The following SMOC1 variants were observed in gnomAD, a reference collection of about 807,000 sequenced individuals.
The protein encoded by SMOC1 is SPARC related modular calcium binding 1, also known as SPARC-related modular calcium-binding protein 1.
In SMOC1, 22 loss-of-function variants were observed where a neutral mutation model predicts 56.3. That is an observed-to-expected ratio of 0.39 (90% confidence interval 0.28 to 0.56). SMOC1 has a LOEUF of 0.56. SMOC1 is among the 20% of genes least tolerant of loss of function. The pLI, the probability that SMOC1 is intolerant of heterozygous loss-of-function variation, is 0.61. For missense variants in SMOC1, 509 were observed against 565.4 expected, an observed-to-expected ratio of 0.90 and a Z score of 1.01; for synonymous variants, 193 against 215.0, an observed-to-expected ratio of 0.90 and a Z score of 0.89.
chr14:70,027,239 C>T (rs1228100948), intron 11 of SMOC1, among the ~76,000 whole-genome samples: 1 of 152,200 alleles, frequency 6.6e-6, no homozygotes, highest in Non-Finnish European at 1.5e-5. Context: ...GAGGTACCAC[C>T]ACTGCTGGCG....
chr14:70,030,388 C>CT lies in SMOC1; in HGVS notation c.*134dup. 1 of 1,117,938 alleles carries CT rather than the reference C, an allele frequency of 8.9e-7. No individual in the cohort carries two copies. The highest frequency in any genetic ancestry group is 1.3e-6 in the Non-Finnish European group (1 of 760,438). The allele number at this position is 1,117,938 out of a possible 1,614,324, so 69.3% of individuals were successfully genotyped here. On this transcript the variant is annotated 3_prime_UTR_variant, in exon 12 of 12. Coordinates refer to ENST00000361956, the MANE Select transcript of SMOC1 (RefSeq NM_001034852.3). Reference sequence around the variant, plus strand: ...ATAAGTGGTGCCCACCATGTTTGCACTTTTAATAACTCTTACTTGCGTGTT... The same window carrying CT: ...ATAAGTGGTGCCCACCATGTTTGCACTTTTTAATAACTCTTACTTGCGTGTT...
intron 1 of SMOC1, among the ~76,000 whole-genome samples, chr14:69,922,647 C>A (rs187840400): frequency 6.6e-6 from 1 of 152,302 alleles, no homozygotes; most frequent in African/African-American, 2.4e-5. Context: ...GAATGATAAC[C>A]TGTATGCTGC....
intron 1 of SMOC1, among the ~76,000 whole-genome samples, chr14:69,931,126 T>C (rs914749063): frequency 1.3e-5 from 2 of 152,232 alleles, no homozygotes; most frequent in African/African-American, 4.8e-5. Flanking sequence ...GCCACAGAAC[T>C]GAGGCTCGGC....
chr14:69,918,990 G>T (rs75987388), intron 1 of SMOC1, among the ~76,000 whole-genome samples: 3,733 of 152,230 alleles, frequency 0.025, 92 homozygotes, highest in Admixed American at 0.056. Context: ...TTGTTTGTTT[G>T]TTTGTTTGTT....
chr14:69,964,416 C>T lies in SMOC1; in HGVS notation c.378+10884C>T, dbSNP rs559639973. On this transcript the variant is annotated intron_variant, in intron 3 of 11. Coordinates refer to ENST00000361956, the MANE Select transcript of SMOC1 (RefSeq NM_001034852.3). ...TTTTTGAGACAGAGTCTCACTCTGT[C>T]GCCCAGGCTGGAGTGTAGTGGCGCG... Among the ~76,000 whole-genome samples, 9 of 147,688 alleles carry T rather than the reference C, an allele frequency of 6.1e-5. No homozygotes were observed. In the South Asian group the frequency reaches 1.5e-3, roughly 25 times the overall value.
At chr14:69,952,034 A>C in intron 1 of SMOC1, 104 bp from the exon 2 acceptor site, 2 of 1,337,232 alleles carry the variant, frequency 1.5e-6, no homozygotes, top group Non-Finnish European at 2.1e-6. Context: ...TGGGTTTATT[A>C]GGGACTTACT....
intron 7 of SMOC1, among the ~76,000 whole-genome samples, chr14:70,009,575 T>C (rs988307172): frequency 2.0e-5 from 3 of 152,222 alleles, no homozygotes; most frequent in Non-Finnish European, 2.9e-5. Flanking sequence ...ATTCAGTGGG[T>C]GCCCAAGACT....
chr14:69,916,369 T>C (rs1480808935), intron 1 of SMOC1, among the ~76,000 whole-genome samples: 1 of 152,252 alleles, frequency 6.6e-6, no homozygotes, highest in Non-Finnish European at 1.5e-5. Flanking sequence ...ATAACTGCAG[T>C]AGTTGCCACA....
chr14:69,971,566 G>C (rs1031832003), intron 3 of SMOC1, among the ~76,000 whole-genome samples: 3 of 152,168 alleles, frequency 2.0e-5, no homozygotes, highest in African/African-American at 7.2e-5. Flanking sequence ...TTGCCTCATG[G>C]ATCCTCTTGG....
At chr14:70,029,533 G>T (rs187677075) in intron 11 of SMOC1, among the ~76,000 whole-genome samples, 2 of 152,276 alleles carry the variant, frequency 1.3e-5, no homozygotes, top group African/African-American at 4.8e-5. Context: ...GCAAAAAGTA[G>T]GGCCAAACAA....
At chr14:69,880,864 A>G (rs1883619496) in intron 1 of SMOC1, among the ~76,000 whole-genome samples, 1 of 152,204 alleles carries the variant, frequency 6.6e-6, no homozygotes, top group African/African-American at 2.4e-5. Context: ...CATAGCTTTT[A>G]CTATATGAGA....
At chr14:69,899,544 C>T (rs905747698) in intron 1 of SMOC1, among the ~76,000 whole-genome samples, 13 of 152,220 alleles carry the variant, frequency 8.5e-5, no homozygotes, top group African/African-American at 3.1e-4. Flanking sequence ...CACCACTATA[C>T]TTCCTGTAGA....
At chr14:69,903,110 G>A (rs951277145) in intron 1 of SMOC1, among the ~76,000 whole-genome samples, 3 of 150,574 alleles carry the variant, frequency 2.0e-5, no homozygotes, top group Admixed American at 1.3e-4. Flanking sequence ...CCCTCTGCCC[G>A]GCTGCCCAGT....
chr14:69,976,166 G>A (rs1883945616), intron 4 of SMOC1, among the ~76,000 whole-genome samples: 1 of 152,144 alleles, frequency 6.6e-6, no homozygotes, highest in African/African-American at 2.4e-5. Flanking sequence ...GTTGGATTTT[G>A]AGACCACCTG....
chr14:69,962,152 A>G (rs1232532709), intron 3 of SMOC1, among the ~76,000 whole-genome samples: 1 of 151,636 alleles, frequency 6.6e-6, no homozygotes, highest in Non-Finnish European at 1.5e-5. Context: ...TCTAGATACA[A>G]GACTCTCTCT....
chr14:69,989,589 A>G (rs192245993), intron 5 of SMOC1, among the ~76,000 whole-genome samples: 361 of 152,314 alleles, frequency 2.4e-3, no homozygotes, highest in Non-Finnish European at 4.4e-3. Context: ...GTATCCTTCA[A>G]TTTTAGAAGA....
At chr14:69,893,602 A>G (rs1212783121) in intron 1 of SMOC1, among the ~76,000 whole-genome samples, 2 of 152,078 alleles carry the variant, frequency 1.3e-5, no homozygotes, top group Non-Finnish European at 2.9e-5. Flanking sequence ...GTAACTATAG[A>G]TTTGCTTTTT....
intron 11 of SMOC1, among the ~76,000 whole-genome samples, chr14:70,026,948 A>G (rs1298920199): frequency 1.3e-5 from 2 of 152,144 alleles, no homozygotes; most frequent in Non-Finnish European, 2.9e-5. Flanking sequence ...TATGAGTGTG[A>G]TGGAGTGAGG....
At chr14:69,980,546 C>T (rs1421008146) in intron 5 of SMOC1, among the ~76,000 whole-genome samples, 2 of 152,214 alleles carry the variant, frequency 1.3e-5, no homozygotes, top group East Asian at 3.9e-4. Context: ...TAGGACGCCA[C>T]ACCTGAAGCC....
Sources: gnomAD v4.1 joint callset for allele counts (sites outside exome capture counted in the v4.1 genomes callset) on GRCh38, gnomAD v4.1.1 for gene constraint, MANE v1.5 for transcripts, NCBI Gene and HGNC (gene_info 2026-07-23, HGNC 2026-07-21) for gene names.